LAMP5: variants seen among roughly 807,000 people sequenced by gnomAD.
LAMP5 encodes the protein lysosome associated membrane protein 5, also known as lysosome-associated membrane glycoprotein 5.
LAMP5 carries 36 observed loss-of-function variants against 30.2 expected under a neutral mutation model. The observed-to-expected ratio is 1.19, with a 90% confidence interval of 0.91 to 1.57. LAMP5 has a LOEUF of 1.57. Ranked by LOEUF, LAMP5 falls within the 40% of genes most tolerant of loss-of-function variation. The pLI is 0.00. For synonymous variants in LAMP5, 149 were observed against 134.6 expected (o/e 1.11, Z -0.74); for missense variants, 377 against 354.9 (o/e 1.06, Z -0.50).
chr20:9,516,246 G>T lies in LAMP5; in HGVS notation c.370-10G>T. 1 of 1,614,030 alleles carries T rather than the reference G, an allele frequency of 6.2e-7. No individual in the cohort carries two copies. The highest frequency in any genetic ancestry group is 8.5e-7 in the Non-Finnish European group (1 of 1,179,928). On this transcript the variant is annotated splice_polypyrimidine_tract_variant and intron_variant, in intron 3 of 5. Coordinates refer to ENST00000246070, the MANE Select transcript of LAMP5 (RefSeq NM_012261.4). ...GGGGACGATTGAAGCGCACCTCCCC[G>T]GCTCAACAGGAAAGCCACAACATGT...
intron 5 of LAMP5, among the ~76,000 whole-genome samples, chr20:9,522,336 C>G (rs547896728): frequency 6.6e-5 from 10 of 152,174 alleles, no homozygotes; most frequent in Non-Finnish European, 1.0e-4. Context: ...ACCAGCCCCC[C>G]AGTAGAGCGT....
Position 9,514,808 on chromosome 20 carries a change from G to A in LAMP5, c.-45G>A, listed in dbSNP as rs772372393. 14 of 1,590,890 alleles carry A rather than the reference G, an allele frequency of 8.8e-6. No homozygotes were observed. In the East Asian group the frequency reaches 2.7e-4, roughly 30 times the overall value. On this transcript the variant is annotated 5_prime_UTR_variant, in exon 1 of 6. Coordinates refer to ENST00000246070, the MANE Select transcript of LAMP5 (RefSeq NM_012261.4). ...GACTTTGAGGGATTCCCTCTCTGGC[G>A]GCCTCTGCAGCAGCACAGCCGGCCT...
intron 5 of LAMP5, among the ~76,000 whole-genome samples, chr20:9,524,377 A>G (rs2045097717): frequency 6.6e-6 from 1 of 152,140 alleles, no homozygotes; most frequent in Non-Finnish European, 1.5e-5. Context: ...TAGAGCATAA[A>G]TTATTAGATG....
At chr20:9,526,860 GTATATATA>G (rs201564418) in intron 5 of LAMP5, among the ~76,000 whole-genome samples, 1,098 of 80,192 alleles carry the variant, frequency 0.014, 23 homozygotes, top group African/African-American at 0.027. Context: ...GTGTGTGTGT[GTATATATA>G]TATATATATA....
intron 5 of LAMP5, among the ~76,000 whole-genome samples, chr20:9,522,714 G>A (rs1727988918): frequency 6.6e-6 from 1 of 152,192 alleles, no homozygotes; most frequent in Admixed American, 6.5e-5. Flanking sequence ...CGCTGTGGAA[G>A]CATTAACTCC....
At position 9,514,732 on chromosome 20, in the gene LAMP5, T is replaced by TTCTCTGG. The variant is rs1568941814; in HGVS notation, c.-121_-120insTCTCTGG. On this transcript the variant is annotated 5_prime_UTR_variant, in exon 1 of 6. Coordinates refer to ENST00000246070, the MANE Select transcript of LAMP5 (RefSeq NM_012261.4). ...GCTCACAGAATACGCGCTCCCTCCC[T>TTCTCTGG]CCCCCTTCTCTGTCCCCCGCCTCTC... 3.0e-4 allele frequency: 223 copies of TTCTCTGG among 745,994 alleles called. 2 individuals are homozygous for TTCTCTGG. The highest frequency in any genetic ancestry group is 5.7e-4 in the Middle Eastern group (2 of 3,480). The allele number at this position is 745,994 out of a possible 1,614,324, so 46.2% of individuals were successfully genotyped here.
At chr20:9,521,904 A>G (rs903994596) in intron 5 of LAMP5, among the ~76,000 whole-genome samples, 1 of 152,234 alleles carries the variant, frequency 6.6e-6, no homozygotes, top group Non-Finnish European at 1.5e-5. Flanking sequence ...TTTAAAAGAC[A>G]TCACATATAG....
chr20:9,523,413 T>A (rs1239922738), intron 5 of LAMP5, among the ~76,000 whole-genome samples: 1 of 152,080 alleles, frequency 6.6e-6, no homozygotes, highest in African/African-American at 2.4e-5. Flanking sequence ...GGGGGTGCAA[T>A]GAAGCGCTCT....
At chr20:9,520,665 T>G (rs973641305) in intron 5 of LAMP5, among the ~76,000 whole-genome samples, 4 of 152,030 alleles carry the variant, frequency 2.6e-5, no homozygotes, top group Non-Finnish European at 5.9e-5. Flanking sequence ...TGGTTTCCTG[T>G]GAAGAGTCTA....
At chr20:9,528,220 T>C (rs2045126689) in intron 5 of LAMP5, among the ~76,000 whole-genome samples, 1 of 152,102 alleles carries the variant, frequency 6.6e-6, no homozygotes. Context: ...AAATATTGCA[T>C]GTATTCACTC....
chr20:9,514,766 C>T lies in LAMP5; in HGVS notation c.-87C>T. ...TCTGTCCCCCGCCTCTCGCTCACCC[C>T]GGCCCACTCCAGCGGCGACTTTGAG... On this transcript the variant is annotated 5_prime_UTR_variant, in exon 1 of 6. Transcript: ENST00000246070. 8.0e-7 allele frequency: 1 copy of T among 1,247,642 alleles called. No homozygotes were observed. Among genetic ancestry groups the T allele is most frequent in the Non-Finnish European group, 1.2e-6 (1 of 858,860 alleles). 77.3% of individuals were successfully genotyped at this position (1,247,642 alleles called of 1,614,324 possible).
At position 9,530,464 on chromosome 20, in the gene LAMP5, T is replaced by C. The variant is rs950199814; in HGVS notation, c.*644T>C. ...TGTGCCAGGTCCAAGTCGGGGGACC[T>C]GAAGAATCAATCTGTGTGAGTCTGT... On this transcript the variant is annotated 3_prime_UTR_variant, in exon 6 of 6. Coordinates refer to ENST00000246070, the MANE Select transcript of LAMP5 (RefSeq NM_012261.4). The C allele has an allele frequency of 2.0e-5, 3 of 152,646 alleles. No individual in the cohort carries two copies. Among genetic ancestry groups the C allele is most frequent in the African/African-American group, 7.2e-5 (3 of 41,452 alleles). The allele number at this position is 152,646 out of a possible 1,614,324, so 9.5% of individuals were successfully genotyped here.
At position 9,529,684 on chromosome 20, in the gene LAMP5, C is replaced by A. The variant is rs377714830; in HGVS notation, c.707C>A (p.Thr236Asn). 5.6e-6 allele frequency: 9 copies of A among 1,614,156 alleles called. No individual in the cohort carries two copies. Among genetic ancestry groups the A allele is most frequent in the South Asian group, 1.1e-5 (1 of 91,080 alleles). The change falls in exon 6 of 6, where the codon ACC becomes AAC. Residue 236 changes from threonine to asparagine, a missense_variant. By Grantham distance (65) the Thr-to-Asn change is moderately conservative. Coordinates refer to ENST00000246070, the MANE Select transcript of LAMP5 (RefSeq NM_012261.4). Reference sequence around the variant, plus strand: ...GATGAGCGGGAGCAACTGGAAGAAACCTTGCCCCTGATTTTGGGGCTCATC... The same window carrying A: ...GATGAGCGGGAGCAACTGGAAGAAAACTTGCCCCTGATTTTGGGGCTCATC... ...PVDEREQLEE[T>N]LPLILGLILG... is the part of the protein sequence containing the mutation.
chr20:9,522,932 T>C lies in LAMP5; in HGVS notation c.664+4704T>C, dbSNP rs867169400. 5.1e-4 allele frequency among the ~76,000 whole-genome samples: 77 copies of C among 151,222 alleles called. 2 individuals are homozygous for C. The highest frequency in any genetic ancestry group is 1.8e-3 in the African/African-American group (76 of 41,292). On this transcript the variant is annotated intron_variant, in intron 5 of 5. Coordinates refer to ENST00000246070, the MANE Select transcript of LAMP5 (RefSeq NM_012261.4). The stretch of plus-strand genomic sequence containing the variant: ...CCTGGCATACAGTGGCATCAAACAA[T>C]ACTTGCACTTATAATTTTTTTCTTC...
chr20:9,523,588 A>G (rs1226694825), intron 5 of LAMP5, among the ~76,000 whole-genome samples: 1 of 152,090 alleles, frequency 6.6e-6, no homozygotes, highest in Non-Finnish European at 1.5e-5. Context: ...CAGATTATGC[A>G]TTTATTGTTT....
Position 9,515,621 on chromosome 20 carries a change from T to G in LAMP5, c.233T>G (p.Val78Gly). Residue 78 changes from valine (V) to glycine (G), a missense_variant, in exon 2 of 6, where the codon GTA becomes GGA. Transcript: ENST00000246070. Reference sequence around the variant, plus strand: ...TATGATGTGTGGGCCAGCAACTACGTAGATGTAAGGAATCTTTCCCCCCCC... The same window carrying G: ...TATGATGTGTGGGCCAGCAACTACGGAGATGTAAGGAATCTTTCCCCCCCC... ...VPYDVWASNYVDLITEQADIA... is the reference protein window; with the variant it reads ...VPYDVWASNYGDLITEQADIA... 6.2e-7 allele frequency: 1 copy of G among 1,611,322 alleles called. No individual in the cohort carries two copies. The highest frequency in any genetic ancestry group is 1.4e-5 in the African/African-American group (1 of 73,502).
chr20:9,515,170 G>A (rs1385794486), intron 1 of LAMP5, among the ~76,000 whole-genome samples: 2 of 152,132 alleles, frequency 1.3e-5, no homozygotes, highest in African/African-American at 2.4e-5. Flanking sequence ...TCAGAGCATT[G>A]GCAAGAAATA....
At chr20:9,524,425 C>T (rs963804414) in intron 5 of LAMP5, among the ~76,000 whole-genome samples, 1 of 150,366 alleles carries the variant, frequency 6.7e-6, no homozygotes, top group African/African-American at 2.4e-5. Context: ...CAAACTTCTG[C>T]TTTAGTTCTC....
Position 9,515,522 on chromosome 20 carries a change from A to G in LAMP5, c.134A>G (p.Lys45Arg). The G allele has an allele frequency of 3.7e-6, 6 of 1,614,152 alleles. No individual in the cohort carries two copies. The highest frequency in any genetic ancestry group is 1.3e-5 in the African/African-American group (1 of 75,038). ...NLSGLSTNPE[K>R]DIFVVRENGT... ...TCAGGCCTTTCCACTAACCCTGAAA[A>G]AGATATATTTGTGGTGCGGGAAAAT... is the stretch of plus-strand genomic sequence containing the variant. Residue 45 changes from lysine to arginine, a missense_variant, in exon 2 of 6, where the codon AAA becomes AGA. By Grantham distance (26) the Lys-to-Arg change is conservative. Transcript: ENST00000246070.
Sources: gnomAD v4.1 joint callset for allele counts (sites outside exome capture counted in the v4.1 genomes callset) on GRCh38, gnomAD v4.1.1 for gene constraint, MANE v1.5 for transcripts, NCBI Gene and HGNC (gene_info 2026-07-23, HGNC 2026-07-21) for gene names.